The following AOPEP variants were observed in gnomAD, a reference collection of about 807,000 sequenced individuals.
AOPEP encodes aminopeptidase O.
AOPEP carries 77 observed loss-of-function variants against 98.1 expected under a neutral mutation model. That is an observed-to-expected ratio of 0.78 (90% CI 0.65 to 0.95). The LOEUF is 0.95. AOPEP is among the 40% of genes least tolerant of loss of function. The probability of loss-of-function intolerance (pLI) is 0.00; values close to 1 mark genes in which losing one functional copy is unlikely to be tolerated. For missense variants in AOPEP, 1,024 were observed against 1,024.7 expected (o/e 1.00, Z 0.01); for synonymous variants, 346 against 365.3 (o/e 0.95, Z 0.60).
chr9:95,142,608 C>T, the AOPEP span: 1 of 148,366 alleles, frequency 6.7e-6, no homozygotes, highest in African/African-American at 2.5e-5. Context: ...AGTCATTCAA[C>T]CCATTTAAAT....
At chr9:95,022,504 A>AT (rs915258153) in intron 13 of AOPEP, among the ~76,000 whole-genome samples, 1 of 151,780 alleles carries the variant, frequency 6.6e-6, no homozygotes, top group African/African-American at 2.4e-5. Flanking sequence ...TGCCTGGCTA[A>AT]TTTTTTTTGT....
intron 5 of AOPEP, among the ~76,000 whole-genome samples, chr9:94,915,583 G>A (rs2052682138): frequency 6.6e-6 from 1 of 151,808 alleles, no homozygotes; most frequent in Non-Finnish European, 1.5e-5. Flanking sequence ...AGTTGACAGT[G>A]TGGTGGTCTG....
At position 95,051,321 on chromosome 9, in the gene AOPEP, C is replaced by T. The variant is rs901322545; in HGVS notation, c.2116-9373C>T. ...GCCAGGATGGTCTCGATCTCTTGAC[C>T]TTGTGATCTATCTGCCTCGGCCTCC... On this transcript the variant is annotated intron_variant, in intron 13 of 16. Transcript: ENST00000375315. Among the ~76,000 whole-genome samples the T allele has an allele frequency of 2.3e-4, 35 of 151,916 alleles. 1 individual carries two copies. Among genetic ancestry groups the T allele is most frequent in the Non-Finnish European group, 4.3e-4 (29 of 67,990 alleles).
intron 5 of AOPEP, among the ~76,000 whole-genome samples, chr9:94,857,587 C>G (rs1033581437): frequency 1.5e-4 from 23 of 152,068 alleles, no homozygotes. Flanking sequence ...GATGTTAAAA[C>G]AAGCCATTAA....
intron 14 of AOPEP, among the ~76,000 whole-genome samples, chr9:95,063,811 A>G (rs1357709565): frequency 6.6e-6 from 1 of 151,850 alleles, no homozygotes; most frequent in Admixed American, 6.6e-5. Flanking sequence ...GCTTCACTGG[A>G]GGTCTCCCTT....
At chr9:94,808,318 G>A (rs146198576) in intron 5 of AOPEP, among the ~76,000 whole-genome samples, 4,148 of 152,334 alleles carry the variant, frequency 0.027, 182 homozygotes, top group African/African-American at 0.094. Flanking sequence ...GGGATTACAG[G>A]CGTGAGCCAC....
chr9:94,878,068 C>T (rs2047166253), intron 5 of AOPEP, among the ~76,000 whole-genome samples: 1 of 151,948 alleles, frequency 6.6e-6, no homozygotes, highest in South Asian at 2.1e-4. Flanking sequence ...CCAACAGTTA[C>T]TCTGGTTTTG....
chr9:94,810,307 C>T (rs948391158), intron 5 of AOPEP, among the ~76,000 whole-genome samples: 1 of 150,434 alleles, frequency 6.6e-6, no homozygotes, highest in African/African-American at 2.5e-5. Context: ...TTGATTTAAT[C>T]AGGGTTTTTT....
At chr9:95,126,426 T>G in the AOPEP span, 3,206 of 1,147,150 alleles carry the variant, frequency 2.8e-3, 65 homozygotes, top group African/African-American at 0.043. Context: ...AAACTCTAAT[T>G]TCCCCATGAT....
chr9:94,821,643 A>C (rs1564195323), intron 5 of AOPEP, among the ~76,000 whole-genome samples: 1 of 152,224 alleles, frequency 6.6e-6, no homozygotes, highest in Non-Finnish European at 1.5e-5. Context: ...TTAAAGACTC[A>C]GTTGAACATC....
In AOPEP at chr9:94,946,727, A is replaced by C. The variant is rs528621701; in HGVS notation, c.1662-8450A>C. Among the ~76,000 whole-genome samples the C allele has an allele frequency of 3.3e-4, 51 of 152,244 alleles. 2 individuals carry two copies. The South Asian group carries it at 8.5e-3, about 25-fold the overall frequency. ...GGTCACTTTTTTGGGTGAATTTAGC[A>C]TATATACCGCATGCCTGGGAGAACG... On this transcript the variant is annotated intron_variant, in intron 7 of 16. Transcript: ENST00000375315.
At chr9:95,053,707 T>TTTGTTGTTG (rs60251468) in intron 13 of AOPEP, among the ~76,000 whole-genome samples, 62 of 150,826 alleles carry the variant, frequency 4.1e-4, no homozygotes, top group African/African-American at 1.5e-3. Flanking sequence ...TTAATTCATT[T>TTTGTTGTTG]TTGTTGTTGT....
intron 5 of AOPEP, among the ~76,000 whole-genome samples, chr9:94,859,956 G>A (rs2044721452): frequency 6.6e-6 from 1 of 152,242 alleles, no homozygotes; most frequent in Admixed American, 6.5e-5. Context: ...AATAGAGACA[G>A]TCCCTGTCTT....
intron 1 of AOPEP, among the ~76,000 whole-genome samples, chr9:94,735,149 A>G (rs1349319075): frequency 6.6e-6 from 1 of 152,206 alleles, no homozygotes; most frequent in Non-Finnish European, 1.5e-5. Context: ...GAAACACTAG[A>G]TACATAAAAA....
At chr9:95,005,295 C>G in intron 12 of AOPEP, 75 bp downstream of exon 12, 1 of 840,948 alleles carries the variant, frequency 1.2e-6, no homozygotes, top group Non-Finnish European at 1.5e-6. Flanking sequence ...GGCCCTGGCT[C>G]TGCGCTGCGG....
chr9:94,810,824 T>G (rs1316602933), intron 5 of AOPEP, among the ~76,000 whole-genome samples: 1 of 152,224 alleles, frequency 6.6e-6, no homozygotes, highest in Non-Finnish European at 1.5e-5. Flanking sequence ...CTTTAACCCT[T>G]GTTAATTGCA....
At chr9:95,081,028 G>T in intron 15 of AOPEP, 1 of 508,530 alleles carries the variant, frequency 2.0e-6, no homozygotes, top group Non-Finnish European at 3.5e-6. Flanking sequence ...CCGATGCTGC[G>T]TGCTCACACT....
At chr9:94,924,328 C>G (rs1172876982) in intron 6 of AOPEP, among the ~76,000 whole-genome samples, 153 bp downstream of exon 6, 1 of 152,136 alleles carries the variant, frequency 6.6e-6, no homozygotes, top group African/African-American at 2.4e-5. Flanking sequence ...AGGGAAGCCC[C>G]TACTCCCCAC....
chr9:94,840,045 G>A (rs2042099825), intron 5 of AOPEP, among the ~76,000 whole-genome samples: 1 of 152,216 alleles, frequency 6.6e-6, no homozygotes, highest in African/African-American at 2.4e-5. Context: ...TGGGATTACA[G>A]GTGTGAGCCA....
Sources: gnomAD v4.1 joint callset for allele counts (sites outside exome capture counted in the v4.1 genomes callset) on GRCh38, gnomAD v4.1.1 for gene constraint, MANE v1.5 for transcripts, NCBI Gene and HGNC (gene_info 2026-07-23, HGNC 2026-07-21) for gene names.